The following STAG1 variants were observed in gnomAD, a reference collection of about 807,000 sequenced individuals.
STAG1 encodes STAG1 cohesin complex component, also known as cohesin subunit SA-1.
A neutral mutation model predicts 170.9 loss-of-function variants in STAG1; 26 were observed. The ratio of observed to expected loss-of-function variants is 0.15; its 90% CI spans 0.11 to 0.21. The LOEUF (loss-of-function observed/expected upper bound fraction) is 0.21, where lower values mean the gene tolerates loss of function less well. STAG1 is among the 10% of genes least tolerant of loss of function. The pLI is 1.00. For synonymous variants in STAG1, 514 were observed against 497.7 expected (o/e 1.03, Z -0.44); for missense variants, 964 against 1,509.5 (o/e 0.64, Z 5.99).
At chr3:136,446,334 T>C (rs1038051814) in intron 14 of STAG1, among the ~76,000 whole-genome samples, 1 of 152,192 alleles carries the variant, frequency 6.6e-6, no homozygotes, top group Admixed American at 6.6e-5. Flanking sequence ...CTAGAAAACA[T>C]GTTCAAGTAA....
At chr3:136,372,385 A>G (rs1319996433) in intron 23 of STAG1, among the ~76,000 whole-genome samples, 4 of 152,080 alleles carry the variant, frequency 2.6e-5, no homozygotes, top group African/African-American at 9.7e-5. Context: ...CCAACACTAT[A>G]CTGAATAGGA....
chr3:136,736,941 C>T (rs1477561752), intron 1 of STAG1: 9 of 1,595,316 alleles, frequency 5.6e-6, no homozygotes, highest in South Asian at 4.4e-5. Context: ...AAGCTTTGTC[C>T]ACAGCCTCAA....
At chr3:136,720,209 C>A (rs902697577) in intron 1 of STAG1, among the ~76,000 whole-genome samples, 3 of 150,532 alleles carry the variant, frequency 2.0e-5, no homozygotes, top group Non-Finnish European at 4.4e-5. Context: ...TAAGTGAACA[C>A]TGAGCATTAA....
At chr3:136,487,981 T>TG (rs1319563365) in intron 9 of STAG1, among the ~76,000 whole-genome samples, 1 of 152,254 alleles carries the variant, frequency 6.6e-6, no homozygotes, top group Non-Finnish European at 1.5e-5. Context: ...TAAGCCATTG[T>TG]GGAAGCAGAA....
At chr3:136,602,381 CAA>C (rs397819185) in intron 4 of STAG1, among the ~76,000 whole-genome samples, 22 of 81,702 alleles carry the variant, frequency 2.7e-4, no homozygotes, top group South Asian at 3.9e-4. Flanking sequence ...CCATCTCAAA[CAA>C]AAAAAAAAAA....
At chr3:136,386,604 C>T (rs2086879633) in intron 22 of STAG1, among the ~76,000 whole-genome samples, 1 of 152,080 alleles carries the variant, frequency 6.6e-6, no homozygotes. Context: ...CACACAAAAA[C>T]AGAAGTATAT....
intron 23 of STAG1, among the ~76,000 whole-genome samples, chr3:136,374,224 C>T (rs544373633): frequency 6.6e-5 from 10 of 152,052 alleles, no homozygotes; most frequent in African/African-American, 1.9e-4. Context: ...TAATTTTGAG[C>T]CTATGTGTGT....
chr3:136,589,628 C>CAAAAAAAAAAAA lies in STAG1; in HGVS notation c.297+14669_297+14680dup, dbSNP rs71626007. ...CTCCAGCCTGGGCAACAAAGGGAGC[C>CAAAAAAAAAAAA]AAAAAAAAAAAAAAAAAAAAAGCCA... is the stretch of plus-strand genomic sequence containing the variant. On this transcript the variant is annotated intron_variant, in intron 4 of 33. Coordinates refer to ENST00000383202, the MANE Select transcript of STAG1 (RefSeq NM_005862.3). Among the ~76,000 whole-genome samples, 4 of 46,214 alleles carry CAAAAAAAAAAAA rather than the reference C, an allele frequency of 8.7e-5. 1 individual carries two copies. The highest frequency in any genetic ancestry group is 2.3e-4 in the Admixed American group (1 of 4,370). 30.3% of individuals were successfully genotyped at this position (46,214 alleles called of 152,430 possible). A position where few individuals can be genotyped will look rare whatever the true frequency, so the allele number is the denominator to read the frequency against.
intron 5 of STAG1, among the ~76,000 whole-genome samples, chr3:136,564,092 C>T (rs1936961741): frequency 6.6e-6 from 1 of 151,958 alleles, no homozygotes; most frequent in South Asian, 2.1e-4. Context: ...TACAGTAGCA[C>T]AAAACTCCAA....
chr3:136,553,978 A>C (rs1031794061), intron 5 of STAG1, among the ~76,000 whole-genome samples: 1 of 152,234 alleles, frequency 6.6e-6, no homozygotes, highest in Middle Eastern at 3.2e-3. Context: ...TGAATTAAAA[A>C]AATACGATCC....
At chr3:136,399,922 C>G (rs2087270192) in intron 21 of STAG1, among the ~76,000 whole-genome samples, 1 of 151,926 alleles carries the variant, frequency 6.6e-6, no homozygotes, top group Non-Finnish European at 1.5e-5. Context: ...TGAAAAGAAA[C>G]AAACTTTCTT....
intron 22 of STAG1, among the ~76,000 whole-genome samples, chr3:136,389,761 C>A (rs9810051): frequency 0.16 from 24,984 of 151,640 alleles, 2,725 homozygotes; most frequent in Non-Finnish European, 0.24. Context: ...CTCAGGTGAT[C>A]CACCCATCTT....
intron 13 of STAG1, among the ~76,000 whole-genome samples, chr3:136,453,247 A>C (rs568368029): frequency 6.2e-4 from 95 of 152,332 alleles, no homozygotes; most frequent in African/African-American, 2.2e-3. Context: ...ATGGCAAAAA[A>C]AAAGATTTGA....
intron 1 of STAG1, among the ~76,000 whole-genome samples, chr3:136,745,776 G>A (rs990934005): frequency 3.9e-5 from 6 of 152,160 alleles, no homozygotes; most frequent in African/African-American, 1.4e-4. Flanking sequence ...CACATTGGAA[G>A]AAGAATTGCT....
chr3:136,707,466 G>C (rs988505592), intron 1 of STAG1, among the ~76,000 whole-genome samples: 1 of 152,190 alleles, frequency 6.6e-6, no homozygotes, highest in Non-Finnish European at 1.5e-5. Flanking sequence ...TTAAAAGAAT[G>C]CAAGTCAAAA....
intron 1 of STAG1, among the ~76,000 whole-genome samples, chr3:136,676,121 A>G (rs1322593646): frequency 1.3e-5 from 2 of 152,250 alleles, no homozygotes; most frequent in South Asian, 2.1e-4. Context: ...CAGTAAAAAT[A>G]TGGTACAGAA....
chr3:136,707,163 A>C (rs532285972), intron 1 of STAG1, among the ~76,000 whole-genome samples: 62 of 152,360 alleles, frequency 4.1e-4, no homozygotes, highest in Non-Finnish European at 7.5e-4. Context: ...GGTTTCTTAC[A>C]TGACACCAAA....
At chr3:136,350,742 T>G (rs1403521428) in intron 28 of STAG1, among the ~76,000 whole-genome samples, 1 of 151,302 alleles carries the variant, frequency 6.6e-6, no homozygotes, top group African/African-American at 2.4e-5. Flanking sequence ...GAGAGAGGAG[T>G]GAGGAGGAAG....
intron 1 of STAG1, among the ~76,000 whole-genome samples, chr3:136,673,170 T>C (rs1198146496): frequency 2.0e-5 from 3 of 152,204 alleles, no homozygotes; most frequent in African/African-American, 7.2e-5. Flanking sequence ...AGTTTTAAAT[T>C]TCTAGAAGCA....
Sources: gnomAD v4.1 joint callset for allele counts (sites outside exome capture counted in the v4.1 genomes callset) on GRCh38, gnomAD v4.1.1 for gene constraint, MANE v1.5 for transcripts, NCBI Gene and HGNC (gene_info 2026-07-23, HGNC 2026-07-21) for gene names.